Variants in CHST9 observed in about 807,000 individuals in gnomAD.
CHST9 encodes the protein carbohydrate sulfotransferase 9.
A neutral mutation model predicts 44.4 loss-of-function variants in CHST9; 41 were observed. The ratio of observed to expected loss-of-function variants is 0.92; its 90% CI spans 0.72 to 1.20. CHST9 has a LOEUF of 1.20. CHST9 is among the 50% of genes most tolerant of loss of function. The pLI is 0.00. For missense variants in CHST9, 504 were observed against 516.5 expected (o/e 0.98, Z 0.23); for synonymous variants, 171 against 178.4 (o/e 0.96, Z 0.33).
chr18:27,159,346 C>T (rs2058726227), intron 1 of CHST9, among the ~76,000 whole-genome samples: 1 of 152,186 alleles, frequency 6.6e-6, no homozygotes, highest in South Asian at 2.1e-4. Context: ...GTTTTCCCAG[C>T]ACCATTTATT....
In CHST9 at chr18:27,142,788, T is replaced by G; in HGVS notation, c.22A>C (p.Met8Leu). 2 of 1,610,632 alleles carry G rather than the reference T, an allele frequency of 1.2e-6. No individual in the cohort carries two copies. Among genetic ancestry groups the G allele is most frequent in the Non-Finnish European group, 1.7e-6 (2 of 1,178,626 alleles). ...GAGAGGAAGACTTGTTTGGGGTTCATGACCATTTCAGATGGCTGCATTTCT... is the reference window on the plus strand; with the variant it reads ...GAGAGGAAGACTTGTTTGGGGTTCAGGACCATTTCAGATGGCTGCATTTCT... MQPSEMV[M>L]NPKQVFLSVL... Residue 8 changes from methionine to leucine, a missense_variant, in exon 2 of 6, where the codon ATG becomes CTG. By Grantham distance (15) the Met-to-Leu change is conservative. Coordinates refer to ENST00000618847, the MANE Select transcript of CHST9 (RefSeq NM_031422.6).
intron 4 of CHST9, among the ~76,000 whole-genome samples, chr18:26,969,376 CTGTGTGTGTG>C (rs1208856677): frequency 3.1e-5 from 3 of 95,590 alleles, no homozygotes; most frequent in Non-Finnish European, 8.1e-5. Flanking sequence ...CTCTCTCTCT[CTGTGTGTGTG>C]TGTGTGTGTG....
chr18:26,987,659 C>T (rs961257607), intron 4 of CHST9, among the ~76,000 whole-genome samples: 12 of 152,096 alleles, frequency 7.9e-5, no homozygotes, highest in African/African-American at 2.7e-4. Context: ...ATGTGTCCCC[C>T]CATCTCCTGC....
At chr18:27,030,333 C>A (rs1181485992) in intron 3 of CHST9, among the ~76,000 whole-genome samples, 1 of 152,158 alleles carries the variant, frequency 6.6e-6, no homozygotes, top group Non-Finnish European at 1.5e-5. Context: ...AGATTGAAAA[C>A]TTTCTTTTTA....
intron 4 of CHST9, among the ~76,000 whole-genome samples, chr18:26,977,239 G>A (rs1159258546): frequency 1.3e-5 from 2 of 152,022 alleles, no homozygotes; most frequent in Non-Finnish European, 2.9e-5. Flanking sequence ...CCAGATGGAA[G>A]CTGTCTAAAT....
intron 4 of CHST9, among the ~76,000 whole-genome samples, chr18:27,020,688 T>C (rs1022611613): frequency 6.6e-6 from 1 of 152,222 alleles, no homozygotes; most frequent in Non-Finnish European, 1.5e-5. Flanking sequence ...TGTCTTATAT[T>C]AATTAAAATA....
At chr18:27,157,528 TA>T (rs1211066338) in intron 1 of CHST9, among the ~76,000 whole-genome samples, 1 of 152,110 alleles carries the variant, frequency 6.6e-6, no homozygotes, top group Non-Finnish European at 1.5e-5. Context: ...TAGCATGGAC[TA>T]AAACAGCAGA....
At chr18:26,920,916 C>G (rs1399958063) in intron 5 of CHST9, among the ~76,000 whole-genome samples, 1 of 152,162 alleles carries the variant, frequency 6.6e-6, no homozygotes, top group African/African-American at 2.4e-5. Flanking sequence ...CCAAACCTGT[C>G]GAGGGCTTGC....
Position 26,963,448 on chromosome 18 carries a change from T to A in CHST9, c.203-19082A>T, listed in dbSNP as rs181052411. Among the ~76,000 whole-genome samples the A allele has an allele frequency of 4.1e-3, 625 of 152,130 alleles. 16 individuals are homozygous for A. The highest frequency in any genetic ancestry group is 7.2e-4 in the Non-Finnish European group (49 of 68,000). On this transcript the variant is annotated intron_variant, in intron 4 of 5. Transcript: ENST00000618847. ...TATTACTGAGCCGTTGGGTCTATTT[T>A]TAAGAACACAAAGAATGAAAAGATT...
chr18:26,968,514 T>C (rs2056496140), intron 4 of CHST9, among the ~76,000 whole-genome samples: 1 of 152,206 alleles, frequency 6.6e-6, no homozygotes, highest in Non-Finnish European at 1.5e-5. Context: ...TATAATAGTT[T>C]TGTTGCACTT....
chr18:27,034,026 G>C (rs999458828), intron 3 of CHST9, among the ~76,000 whole-genome samples: 2 of 152,080 alleles, frequency 1.3e-5, no homozygotes, highest in Admixed American at 6.6e-5. Flanking sequence ...TCCCCCATCC[G>C]CACTGCTGCT....
intron 2 of CHST9, among the ~76,000 whole-genome samples, chr18:27,067,834 G>A (rs781078750): frequency 4.7e-4 from 71 of 152,154 alleles, no homozygotes; most frequent in African/African-American, 1.6e-3. Context: ...ACACTAGGGC[G>A]TGGTCTGGAG....
chr18:27,124,895 C>T (rs1195563899), intron 2 of CHST9, among the ~76,000 whole-genome samples: 2 of 152,126 alleles, frequency 1.3e-5, no homozygotes, highest in African/African-American at 4.8e-5. Flanking sequence ...ATATTTCTGG[C>T]AGAGTGATAA....
chr18:27,084,496 C>T (rs1350175537), intron 2 of CHST9, among the ~76,000 whole-genome samples: 29 of 149,366 alleles, frequency 1.9e-4, no homozygotes, highest in African/African-American at 7.1e-4. Context: ...GCTGGTAATG[C>T]CCCCTTTGTT....
At position 27,182,522 on chromosome 18, in the gene CHST9, T is replaced by C. The variant is rs2058920629; in HGVS notation, c.-97+2614A>G. 3.3e-5 allele frequency among the ~76,000 whole-genome samples: 5 copies of C among 152,212 alleles called. No homozygotes were observed. In the South Asian group the frequency reaches 8.3e-4, roughly 25 times the overall value. On this transcript the variant is annotated intron_variant, in intron 1 of 5. Coordinates refer to ENST00000618847, the MANE Select transcript of CHST9 (RefSeq NM_031422.6). ...AAAATGCTTTGGGACATTGCACCCA[T>C]ATTTGAGTGAAAAGAATTTTCCTAA...
At chr18:27,135,930 G>A (rs1318941167) in intron 2 of CHST9, among the ~76,000 whole-genome samples, 1 of 152,174 alleles carries the variant, frequency 6.6e-6, no homozygotes, top group African/African-American at 2.4e-5. Flanking sequence ...TGTTGCTTCT[G>A]CTGCTTTCCA....
rs560466065 is a variant in CHST9 at position 27,148,646 on chromosome 18, C to G, written c.-96-5741G>C. Among the ~76,000 whole-genome samples the G allele has an allele frequency of 3.3e-5, 5 of 150,962 alleles. No individual in the cohort carries two copies. In the East Asian group the frequency reaches 7.9e-4, roughly 24 times the overall value. ...TGTATATGTGCCACATTTTCTTAATCCAGTCTATCAATGTTGGACATTTGG... is the reference window on the plus strand; with the variant it reads ...TGTATATGTGCCACATTTTCTTAATGCAGTCTATCAATGTTGGACATTTGG... On this transcript the variant is annotated intron_variant, in intron 1 of 5. Coordinates refer to ENST00000618847, the MANE Select transcript of CHST9 (RefSeq NM_031422.6).
At chr18:27,024,361 T>A (rs904646994) in intron 3 of CHST9, among the ~76,000 whole-genome samples, 2 of 152,144 alleles carry the variant, frequency 1.3e-5, no homozygotes, top group African/African-American at 4.8e-5. Context: ...TTAGGAAACC[T>A]GGCATTACCA....
chr18:27,112,042 T>C lies in CHST9; in HGVS notation c.121+30647A>G, dbSNP rs564580896. 4.0e-5 allele frequency among the ~76,000 whole-genome samples: 6 copies of C among 151,200 alleles called. No homozygotes were observed. In the South Asian group the frequency reaches 1.2e-3, roughly 31 times the overall value. On this transcript the variant is annotated intron_variant, in intron 2 of 5. Coordinates refer to ENST00000618847, the MANE Select transcript of CHST9 (RefSeq NM_031422.6). ...TGTGAGCTGATACCTTAAAATAAAT[T>C]TCTTTCTAAAAATATACATATAGAT...
Sources: gnomAD v4.1 joint callset for allele counts (sites outside exome capture counted in the v4.1 genomes callset) on GRCh38, gnomAD v4.1.1 for gene constraint, MANE v1.5 for transcripts, NCBI Gene and HGNC (gene_info 2026-07-23, HGNC 2026-07-21) for gene names.